Variants in KCNH1 observed in about 807,000 individuals in gnomAD.
The protein encoded by KCNH1 is voltage-gated delayed rectifier potassium channel KCNH1.
In KCNH1, 27 loss-of-function variants were observed where a neutral mutation model predicts 69.2. The ratio of observed to expected loss-of-function variants is 0.39; its 90% confidence interval spans 0.29 to 0.54. The LOEUF (loss-of-function observed/expected upper bound fraction) is 0.54, where lower values mean the gene tolerates loss of function less well. KCNH1 is among the 20% of genes least tolerant of loss of function. The pLI is 0.68. For missense variants in KCNH1, 798 were observed against 1,261.6 expected (o/e 0.63, Z 5.57); for synonymous variants, 456 against 487.7 (o/e 0.93, Z 0.86).
At chr1:211,031,163 G>C (rs1000653274) in intron 5 of KCNH1, among the ~76,000 whole-genome samples, 1 of 152,000 alleles carries the variant, frequency 6.6e-6, no homozygotes, top group South Asian at 2.1e-4. Flanking sequence ...TAAATTCCTC[G>C]ACACATACAC....
intron 10 of KCNH1, among the ~76,000 whole-genome samples, chr1:210,722,750 A>G (rs563964450): frequency 2.0e-5 from 3 of 152,334 alleles, no homozygotes; most frequent in African/African-American, 7.2e-5. Flanking sequence ...ACTGTCCTCT[A>G]TGAGTTTCTG....
intron 5 of KCNH1, among the ~76,000 whole-genome samples, chr1:211,066,067 A>AT (rs200752345): frequency 6.6e-5 from 10 of 151,794 alleles, no homozygotes; most frequent in African/African-American, 2.2e-4. Context: ...TTAAAAAAAA[A>AT]TTTTTTTTTA....
chr1:211,001,434 C>T (rs1352133727), intron 6 of KCNH1, among the ~76,000 whole-genome samples: 4 of 152,170 alleles, frequency 2.6e-5, no homozygotes, highest in Non-Finnish European at 4.4e-5. Flanking sequence ...CACTGGCCAT[C>T]AGAGAAATGC....
intron 7 of KCNH1, among the ~76,000 whole-genome samples, chr1:210,892,638 A>C (rs1434190496): frequency 2.0e-5 from 3 of 152,148 alleles, no homozygotes; most frequent in East Asian, 1.9e-4. Context: ...AAATGGACCC[A>C]AAAAAATATG....
At chr1:210,819,698 A>G (rs1380614504) in intron 7 of KCNH1, among the ~76,000 whole-genome samples, 1 of 152,194 alleles carries the variant, frequency 6.6e-6, no homozygotes, top group African/African-American at 2.4e-5. Context: ...ATTAGAAATC[A>G]TTGGCTTCCA....
chr1:211,100,312 G>A (rs1305830637), intron 3 of KCNH1, among the ~76,000 whole-genome samples: 1 of 151,996 alleles, frequency 6.6e-6, no homozygotes, highest in Non-Finnish European at 1.5e-5. Context: ...GCCCTTCCTA[G>A]TCTCTCCAAC....
intron 6 of KCNH1, among the ~76,000 whole-genome samples, chr1:211,008,845 A>G (rs1287588727): frequency 6.6e-6 from 1 of 152,238 alleles, no homozygotes; most frequent in Non-Finnish European, 1.5e-5. Context: ...AGTTTCAAAA[A>G]ATTCTACTGA....
chr1:210,787,337 G>A (rs1684124205), intron 9 of KCNH1, among the ~76,000 whole-genome samples: 1 of 152,078 alleles, frequency 6.6e-6, no homozygotes, highest in Non-Finnish European at 1.5e-5. Context: ...CATAGCCGCT[G>A]GATTAGATGC....
intron 6 of KCNH1, among the ~76,000 whole-genome samples, chr1:210,929,798 C>T (rs920187409): frequency 6.6e-6 from 1 of 152,158 alleles, no homozygotes; most frequent in Admixed American, 6.5e-5. Context: ...ATCCAAAAAG[C>T]TCCTAGAACT....
At chr1:210,787,271 C>T (rs780141081) in intron 9 of KCNH1, among the ~76,000 whole-genome samples, 3 of 152,086 alleles carry the variant, frequency 2.0e-5, no homozygotes, top group Non-Finnish European at 2.9e-5. Flanking sequence ...CCACTGCTGT[C>T]CCTGGTGGAA....
rs549380099 is a variant in KCNH1 at position 210,892,408 on chromosome 1, T to G, written c.1462+27232A>C. Among the ~76,000 whole-genome samples, 173 of 152,228 alleles carry G rather than the reference T, an allele frequency of 1.1e-3. 1 individual carries two copies. Among genetic ancestry groups the G allele is most frequent in the African/African-American group, 4.1e-3 (169 of 41,540 alleles). On this transcript the variant is annotated intron_variant, in intron 7 of 10. Coordinates refer to ENST00000271751, the MANE Select transcript of KCNH1 (RefSeq NM_172362.3). ...AGCTATTAAAATTGCACCTCATTCC[T>G]TCTTTCAGTCACTCATTTATGCAAG...
chr1:210,734,918 T>G (rs1346289158), intron 10 of KCNH1, among the ~76,000 whole-genome samples: 1 of 152,184 alleles, frequency 6.6e-6, no homozygotes, highest in East Asian at 1.9e-4. Context: ...GTTAAGAAAG[T>G]GACCAAATTT....
chr1:211,064,797 C>CA (rs900044305), intron 5 of KCNH1, among the ~76,000 whole-genome samples: 9 of 152,004 alleles, frequency 5.9e-5, no homozygotes, highest in South Asian at 2.1e-4. Context: ...AGTAAGACAA[C>CA]AAAAAACCTA....
At chr1:210,791,555 A>G (rs1406991843) in intron 9 of KCNH1, among the ~76,000 whole-genome samples, 5 of 152,040 alleles carry the variant, frequency 3.3e-5, no homozygotes, top group African/African-American at 1.2e-4. Context: ...TATACTTTCC[A>G]CTTTCAGACT....
At chr1:211,096,397 T>C (rs1447710920) in intron 3 of KCNH1, among the ~76,000 whole-genome samples, 2 of 152,186 alleles carry the variant, frequency 1.3e-5, no homozygotes, top group Non-Finnish European at 2.9e-5. Context: ...TCCTTCCTTT[T>C]AAATTTCTCA....
intron 7 of KCNH1, among the ~76,000 whole-genome samples, chr1:210,825,825 A>G (rs1685020451): frequency 1.3e-5 from 2 of 152,222 alleles, no homozygotes; most frequent in South Asian, 2.1e-4. Context: ...GTTCATGCAA[A>G]GTGTGCGTAT....
chr1:211,076,849 G>A (rs1690743098), intron 5 of KCNH1, among the ~76,000 whole-genome samples: 1 of 152,200 alleles, frequency 6.6e-6, no homozygotes, highest in African/African-American at 2.4e-5. Flanking sequence ...TCGCAAGGAA[G>A]CTAAAACCTT....
intron 5 of KCNH1, among the ~76,000 whole-genome samples, chr1:211,070,430 A>ACACACACAC (rs1553376623): frequency 7.3e-6 from 1 of 137,164 alleles, no homozygotes; most frequent in Non-Finnish European, 1.5e-5. Context: ...AAAAAAAAAA[A>ACACACACAC]ACACACACAC....
intron 7 of KCNH1, among the ~76,000 whole-genome samples, chr1:210,811,863 C>T (rs1180345189): frequency 6.6e-6 from 1 of 152,140 alleles, no homozygotes; most frequent in Non-Finnish European, 1.5e-5. Context: ...AAGGCCAGAA[C>T]CCAGGATCTG....
Sources: allele counts gnomAD v4.1 joint callset (sites outside exome capture counted in the v4.1 genomes callset), GRCh38; gene constraint gnomAD v4.1.1; transcripts MANE v1.5; gene names NCBI Gene and HGNC (gene_info 2026-07-23, HGNC 2026-07-21).